The following GPC1 variants were observed in gnomAD, a reference collection of about 807,000 sequenced individuals.
GPC1 encodes glypican-1.
GPC1 carries 26 observed loss-of-function variants against 51.5 expected under a neutral mutation model. The observed-to-expected ratio is 0.50, with a 90% CI of 0.37 to 0.70. The LOEUF (loss-of-function observed/expected upper bound fraction) is 0.70. Among genes scored for constraint, GPC1 ranks in the 30% least tolerant of loss-of-function variants. The probability of loss-of-function intolerance (pLI) is 0.00; values close to 1 mark genes in which losing one functional copy is unlikely to be tolerated. For synonymous variants in GPC1, 380 were observed against 348.3 expected, an observed-to-expected ratio of 1.09 and a Z score of -1.01; for missense variants, 775 against 800.5, an observed-to-expected ratio of 0.97 and a Z score of 0.38.
chr2:240,467,907 C>G lies in GPC1; in HGVS notation c.*1617C>G, dbSNP rs886122956. On this transcript the variant is annotated 3_prime_UTR_variant, in exon 9 of 9. Coordinates refer to ENST00000264039, the MANE Select transcript of GPC1 (RefSeq NM_002081.3). ...ACACAGACGGCCTAGGGGTGGCGCT[C>G]AGACCCCACCCTACGCTCATCTCTG... 5 of 152,298 alleles carry G rather than the reference C, an allele frequency of 3.3e-5. No homozygotes were observed. Among genetic ancestry groups the G allele is most frequent in the Non-Finnish European group, 5.9e-5 (4 of 68,104 alleles). 9.4% of individuals were successfully genotyped at this position (152,298 alleles called of 1,614,324 possible).
rs577664104 is a variant in GPC1, at chr2:240,448,561, G to A, written c.167-10469G>A. On this transcript the variant is annotated intron_variant, in intron 1 of 8. Coordinates refer to ENST00000264039, the MANE Select transcript of GPC1 (RefSeq NM_002081.3). This position sits in a 1 kb window ranked among gnomAD's most constrained non-coding sequence, Gnocchi z 4.5. ...GCTTCGGGAAATGGGTGGGAGTCAC[G>A]GAGGCAGGGGGCCCCCATTCCCACC... 2.6e-5 allele frequency among the ~76,000 whole-genome samples: 4 copies of A among 152,258 alleles called. No individual in the cohort carries two copies. Among genetic ancestry groups the A allele is most frequent in the South Asian group, 2.1e-4 (1 of 4,822 alleles).
intron 1 of GPC1, among the ~76,000 whole-genome samples, chr2:240,453,617 TCGCCTGCCCGCCGCAGCCCCCTCTCCC>T (rs2074126605): frequency 2.2e-5 from 1 of 45,936 alleles, no homozygotes. Context: ...CCCCCTCCCC[TCGCCTGCCCGCCGCAGCCCCCTCTCCC>T]CGCCCGCCCC....
chr2:240,464,422 TG>T, intron 4 of GPC1, 193 bp from the exon 5 acceptor site: 1 of 634,746 alleles, frequency 1.6e-6, no homozygotes, highest in Non-Finnish European at 2.8e-6. Context: ...CACACGTGGG[TG>T]TGGGCCAAGC....
intron 1 of GPC1, chr2:240,455,982 G>T: frequency 2.3e-6 from 1 of 425,938 alleles, no homozygotes; most frequent in Middle Eastern, 4.7e-4. Context: ...CTTGCGTCCA[G>T]CCTGCCGGGG....
At chr2:240,451,020 C>T (rs764450104) in intron 1 of GPC1, 5 of 422,798 alleles carry the variant, frequency 1.2e-5, no homozygotes, top group African/African-American at 4.1e-5. Flanking sequence ...TGGGGGTGGG[C>T]GCAGGGAGAG....
At chr2:240,464,557 G>T (rs2074243892) in intron 4 of GPC1, 59 bp from the exon 5 acceptor site, 3 of 296,436 alleles carry the variant, frequency 1.0e-5, no homozygotes, top group Non-Finnish European at 1.5e-5. Flanking sequence ...GCGTGTGCGT[G>T]TCAACGCCTG....
intron 1 of GPC1, among the ~76,000 whole-genome samples, chr2:240,449,022 G>A: frequency 6.6e-6 from 1 of 152,106 alleles, no homozygotes; most frequent in East Asian, 1.9e-4. Context: ...CTGAGACCTG[G>A]GGGGGAAGCC....
At chr2:240,453,044 C>A in intron 1 of GPC1, 1 of 342,008 alleles carries the variant, frequency 2.9e-6, no homozygotes. Context: ...CGCCGCCGCG[C>A]TGGAAGCCAG....
At chr2:240,453,069 C>A (rs1290338133) in intron 1 of GPC1, 2 of 322,804 alleles carry the variant, frequency 6.2e-6, no homozygotes, top group Admixed American at 9.2e-5. Flanking sequence ...GAGGACCTCT[C>A]CCGCAGCGCC....
In GPC1 at chr2:240,466,380, G is replaced by A. The variant is rs2074262089; in HGVS notation, c.*90G>A. ...ATTTAATTCACCTCAGCCTGGAGAG[G>A]CCTGGGGTGGGACAGGGAGGGCCGG... On this transcript the variant is annotated 3_prime_UTR_variant, in exon 9 of 9. Coordinates refer to ENST00000264039, the MANE Select transcript of GPC1 (RefSeq NM_002081.3). 32 of 773,952 alleles carry A rather than the reference G, an allele frequency of 4.1e-5. 2 individuals carry two copies. In the South Asian group the frequency reaches 5.0e-4, roughly 12 times the overall value. 47.9% of individuals were successfully genotyped at this position (773,952 alleles called of 1,614,324 possible). A position where few individuals can be genotyped will look rare whatever the true frequency, so the allele number is the denominator to read the frequency against.
chr2:240,455,805 C>T (rs994818651), intron 1 of GPC1, among the ~76,000 whole-genome samples: 3 of 152,238 alleles, frequency 2.0e-5, no homozygotes, highest in Admixed American at 1.3e-4. Flanking sequence ...TCTGCCATCT[C>T]ATGTCCAGGA....
chr2:240,444,849 AGT>A (rs2074039343), intron 1 of GPC1, among the ~76,000 whole-genome samples: 1 of 152,134 alleles, frequency 6.6e-6, no homozygotes, highest in Non-Finnish European at 1.5e-5. Context: ...GTGACGTCCA[AGT>A]GTCTCCTCAA....
chr2:240,467,366 C>T lies in GPC1; in HGVS notation c.*1076C>T, dbSNP rs1335118399. ...ATAGTTAAGGGCTTTTCCAAACATG[C>T]ATCCATTTACTGACACTTCCTGTCC... On this transcript the variant is annotated 3_prime_UTR_variant, in exon 9 of 9. Coordinates refer to ENST00000264039, the MANE Select transcript of GPC1 (RefSeq NM_002081.3). The T allele has an allele frequency of 6.6e-6, 1 of 152,308 alleles. No individual in the cohort carries two copies. Among genetic ancestry groups the T allele is most frequent in the Admixed American group, 6.5e-5 (1 of 15,290 alleles). The allele number at this position is 152,308 out of a possible 1,614,324, so 9.4% of individuals were successfully genotyped here. A position where few individuals can be genotyped will look rare whatever the true frequency, so the allele number is the denominator to read the frequency against.
At chr2:240,464,258 C>T in intron 4 of GPC1, 1 of 320,928 alleles carries the variant, frequency 3.1e-6, no homozygotes, top group Non-Finnish European at 6.1e-6. Flanking sequence ...CTCACACGGG[C>T]TCATGTGCAC....
intron 3 of GPC1, among the ~76,000 whole-genome samples, 186 bp downstream of exon 3, chr2:240,462,768 C>A (rs1050354732): frequency 1.3e-5 from 2 of 152,248 alleles, no homozygotes; most frequent in Admixed American, 1.3e-4. Flanking sequence ...AGCGTACCCA[C>A]AGATGTGAGC....
intron 1 of GPC1, among the ~76,000 whole-genome samples, chr2:240,437,259 C>A (rs1013248072): frequency 6.6e-6 from 1 of 152,016 alleles, no homozygotes; most frequent in African/African-American, 2.4e-5. Flanking sequence ...CCGCGGGGGG[C>A]GGAGTGGTGG....
Position 240,435,824 on chromosome 2 carries a change from C to A in GPC1, c.-95C>A, listed in dbSNP as rs2073979568. The A allele has an allele frequency of 2.4e-6, 2 of 834,460 alleles. No homozygotes were observed. Among genetic ancestry groups the A allele is most frequent in the Admixed American group, 9.1e-5 (2 of 21,898 alleles). 51.7% of individuals were successfully genotyped at this position (834,460 alleles called of 1,614,324 possible). ...GACCGCGAGCCGCGCGCGCCGGGAC[C>A]TTGGCTCTGCCCTTCGCGGGCGGGA... On this transcript the variant is annotated 5_prime_UTR_variant, in exon 1 of 9. Transcript: ENST00000264039.
chr2:240,466,008 CTGGGGTCTCCTG>C, intron 8 of GPC1, 38 bp from the exon 9 acceptor site: 1 of 1,194,318 alleles, frequency 8.4e-7, no homozygotes, highest in Non-Finnish European at 1.2e-6. Context: ...TGGTGCTGCA[CTGGGGTCTCCTG>C]TGGGGACCTG....
intron 1 of GPC1, among the ~76,000 whole-genome samples, chr2:240,440,251 G>A (rs539834195): frequency 8.3e-4 from 126 of 152,334 alleles, no homozygotes; most frequent in Admixed American, 2.2e-3. Flanking sequence ...CTTAGAACAC[G>A]GGGAAACCCG....
Sources: allele counts gnomAD v4.1 joint callset (sites outside exome capture counted in the v4.1 genomes callset), GRCh38; gene constraint gnomAD v4.1.1; non-coding constraint Gnocchi (gnomAD v3.1); transcripts MANE v1.5; gene names NCBI Gene and HGNC (gene_info 2026-07-23, HGNC 2026-07-21).